CNTNAP2: variants seen among roughly 807,000 people sequenced by gnomAD.
CNTNAP2 encodes the protein contactin-associated protein-like 2.
A neutral mutation model predicts 155.2 loss-of-function variants in CNTNAP2; 98 were observed. That is an observed-to-expected ratio of 0.63 (90% CI 0.54 to 0.75). The LOEUF (loss-of-function observed/expected upper bound fraction) is 0.75. Among genes scored for constraint, CNTNAP2 ranks in the 30% least tolerant of loss-of-function variants. The pLI is 0.00. For missense variants in CNTNAP2, 1,727 were observed against 1,688.1 expected, an observed-to-expected ratio of 1.02 and a Z score of -0.40; for synonymous variants, 651 against 631.2, an observed-to-expected ratio of 1.03 and a Z score of -0.47.
intron 9 of CNTNAP2, among the ~76,000 whole-genome samples, chr7:147,358,468 C>T (rs1201833315): frequency 6.6e-6 from 1 of 151,986 alleles, no homozygotes; most frequent in African/African-American, 2.4e-5. Context: ...TCATTATATG[C>T]TCATTGAGTA....
At chr7:148,016,219 C>T (rs549005846) in intron 15 of CNTNAP2, among the ~76,000 whole-genome samples, 4 of 152,328 alleles carry the variant, frequency 2.6e-5, no homozygotes, top group African/African-American at 9.6e-5. Context: ...CATGCCCATC[C>T]CCTCCTGGGG....
chr7:147,255,698 AAAT>A (rs1349061312), intron 8 of CNTNAP2, among the ~76,000 whole-genome samples: 3 of 152,314 alleles, frequency 2.0e-5, no homozygotes, highest in African/African-American at 7.2e-5. Context: ...GTTTTTATAT[AAAT>A]AATAGGTAGA....
intron 1 of CNTNAP2, among the ~76,000 whole-genome samples, chr7:146,604,897 G>A (rs1430410739): frequency 1.6e-4 from 21 of 133,534 alleles, no homozygotes; most frequent in Non-Finnish European, 3.2e-5. Flanking sequence ...ACACAGGAAG[G>A]GGACTATCAC....
intron 21 of CNTNAP2, among the ~76,000 whole-genome samples, chr7:148,326,088 C>T (rs1797880836): frequency 6.6e-6 from 1 of 152,074 alleles, no homozygotes; most frequent in Non-Finnish European, 1.5e-5. Context: ...AACCTGCAGA[C>T]ACCCAAGTGC....
chr7:148,192,137 G>A (rs1175238231), intron 18 of CNTNAP2, among the ~76,000 whole-genome samples: 1 of 152,152 alleles, frequency 6.6e-6, no homozygotes, highest in African/African-American at 2.4e-5. Context: ...TTAAAAATGT[G>A]TAAATTTATG....
intron 19 of CNTNAP2, among the ~76,000 whole-genome samples, chr7:148,228,561 C>T (rs1025008652): frequency 6.6e-6 from 1 of 152,122 alleles, no homozygotes; most frequent in Admixed American, 6.5e-5. Flanking sequence ...CGTCGGCTCA[C>T]GCCTGTAATC....
At chr7:147,042,121 G>A (rs985291018) in intron 3 of CNTNAP2, among the ~76,000 whole-genome samples, 2 of 152,176 alleles carry the variant, frequency 1.3e-5, no homozygotes, top group Non-Finnish European at 2.9e-5. Flanking sequence ...TCTATTAAGT[G>A]TTAAAATTCA....
Position 148,219,415 on chromosome 7 carries a change from T to C in CNTNAP2, c.3247+1891T>C, listed in dbSNP as rs545308156. 3.5e-3 allele frequency among the ~76,000 whole-genome samples: 531 copies of C among 152,298 alleles called. 2 individuals carry two copies. Among genetic ancestry groups the C allele is most frequent in the African/African-American group, 0.012 (497 of 41,562 alleles). On this transcript the variant is annotated intron_variant, in intron 19 of 23. Transcript: ENST00000361727. Reference sequence around the variant, plus strand: ...CATCTTAAAGAGCAAGAATTTTGGCTGGGCACTGTGGCTCATGCCTGTAAT... The same window carrying C: ...CATCTTAAAGAGCAAGAATTTTGGCCGGGCACTGTGGCTCATGCCTGTAAT...
At position 147,121,972 on chromosome 7, in the gene CNTNAP2, T is replaced by C. The variant is rs118117121; in HGVS notation, c.939+809T>C. 842 of 151,956 alleles carry C rather than the reference T, an allele frequency of 5.5e-3. 3 individuals carry two copies. Among genetic ancestry groups the C allele is most frequent in the Non-Finnish European group, 8.9e-3 (606 of 67,968 alleles). The allele number at this position is 151,956 out of a possible 1,614,324, so 9.4% of individuals were successfully genotyped here. ...GCGGGCGGATCACAGGGTCAGGAGTTCAAGACCAGCCGGACAAACATGGTG... is the reference window on the plus strand; with the variant it reads ...GCGGGCGGATCACAGGGTCAGGAGTCCAAGACCAGCCGGACAAACATGGTG... On this transcript the variant is annotated intron_variant, in intron 6 of 23. Coordinates refer to ENST00000361727, the MANE Select transcript of CNTNAP2 (RefSeq NM_014141.6).
intron 11 of CNTNAP2, among the ~76,000 whole-genome samples, chr7:147,544,481 G>T (rs76749617): frequency 0.2 from 29,828 of 151,854 alleles, 3,138 homozygotes; most frequent in Admixed American, 0.29. Flanking sequence ...TTTATTTCTG[G>T]CAAAAATGAA....
intron 13 of CNTNAP2, among the ~76,000 whole-genome samples, chr7:147,825,101 G>A (rs1336267481): frequency 6.6e-6 from 1 of 152,120 alleles, no homozygotes; most frequent in African/African-American, 2.4e-5. Flanking sequence ...AATTTTTAAA[G>A]CATTAAAAAT....
chr7:146,957,562 AG>A (rs1797462497), intron 3 of CNTNAP2, among the ~76,000 whole-genome samples: 1 of 152,212 alleles, frequency 6.6e-6, no homozygotes, highest in African/African-American at 2.4e-5. Flanking sequence ...AAAGTTTTCC[AG>A]GCCATAGATG....
chr7:146,156,357 A>T (rs1423405148), intron 1 of CNTNAP2, among the ~76,000 whole-genome samples: 2 of 152,206 alleles, frequency 1.3e-5, no homozygotes. Context: ...TAAAACACCC[A>T]GATCAGTTAT....
intron 4 of CNTNAP2, among the ~76,000 whole-genome samples, chr7:147,103,330 C>G (rs1800692348): frequency 6.6e-6 from 1 of 152,022 alleles, no homozygotes; most frequent in African/African-American, 2.4e-5. Context: ...GGCAGTCACA[C>G]TTTTTATAAA....
intron 19 of CNTNAP2, 110 bp downstream of exon 19, chr7:148,217,634 T>C: frequency 8.4e-7 from 1 of 1,194,058 alleles, no homozygotes; most frequent in South Asian, 1.2e-5. Flanking sequence ...CATAGGCTTT[T>C]TTAAGCAAGT....
At chr7:146,843,758 TAAG>T (rs780113447) in intron 3 of CNTNAP2, among the ~76,000 whole-genome samples, 1 of 152,216 alleles carries the variant, frequency 6.6e-6, no homozygotes, top group Admixed American at 6.5e-5. Flanking sequence ...TCTTGGGGAT[TAAG>T]TTTATTAAAA....
At chr7:148,356,309 A>T (rs909715725) in intron 21 of CNTNAP2, among the ~76,000 whole-genome samples, 14 of 71,394 alleles carry the variant, frequency 2.0e-4, no homozygotes, top group Admixed American at 1.1e-3. Context: ...ACTCACTCTT[A>T]AAAAAAATCC....
At chr7:146,721,490 CATTCTATATAT>C (rs1314916456) in intron 1 of CNTNAP2, among the ~76,000 whole-genome samples, 8 of 121,522 alleles carry the variant, frequency 6.6e-5, no homozygotes, top group Non-Finnish European at 1.3e-4. Flanking sequence ...ATTCTATATA[CATTCTATATAT>C]ATTCTATATA....
chr7:146,567,366 C>T (rs1293719611), intron 1 of CNTNAP2, among the ~76,000 whole-genome samples: 2 of 151,928 alleles, frequency 1.3e-5, no homozygotes, highest in Non-Finnish European at 2.9e-5. Context: ...TGAATACCTT[C>T]AAAGCAATTT....
Sources: gnomAD v4.1 joint callset for allele counts (sites outside exome capture counted in the v4.1 genomes callset) on GRCh38, gnomAD v4.1.1 for gene constraint, MANE v1.5 for transcripts, NCBI Gene and HGNC (gene_info 2026-07-23, HGNC 2026-07-21) for gene names.